HEATR5A: variants seen among roughly 807,000 people sequenced by gnomAD.
The protein encoded by HEATR5A is HEAT repeat-containing protein 5A.
A neutral mutation model predicts 218.8 loss-of-function variants in HEATR5A; 178 were observed. The ratio of observed to expected loss-of-function variants is 0.81; its 90% CI spans 0.72 to 0.92. The LOEUF (loss-of-function observed/expected upper bound fraction) is 0.92. Among genes scored for constraint, HEATR5A ranks in the 40% least tolerant of loss-of-function variants. The pLI is 0.00. For synonymous variants in HEATR5A, 864 were observed against 871.6 expected (o/e 0.99, Z 0.15); for missense variants, 2,420 against 2,418.9 (o/e 1.00, Z -0.01).
intron 1 of HEATR5A, among the ~76,000 whole-genome samples, chr14:31,412,190 A>C (rs1187989540): frequency 1.3e-5 from 2 of 152,142 alleles, no homozygotes; most frequent in East Asian, 3.9e-4. Context: ...AGGATATATA[A>C]TTTCCACTAT....
At chr14:31,381,870 A>G (rs139550803) in intron 10 of HEATR5A, among the ~76,000 whole-genome samples, 202 of 152,350 alleles carry the variant, frequency 1.3e-3, no homozygotes, top group African/African-American at 4.5e-3. Context: ...TACACAGTAC[A>G]AGGCCAGAGA....
rs56060018 is a variant in HEATR5A, at chr14:31,293,294, CA to C, written c.*10del. The C allele has an allele frequency of 2.3e-3, 2,988 of 1,286,264 alleles. No homozygotes were observed. Among genetic ancestry groups the C allele is most frequent in the South Asian group, 4.0e-3 (258 of 64,054 alleles). 79.7% of individuals were successfully genotyped at this position (1,286,264 alleles called of 1,614,324 possible). A position where few individuals can be genotyped will look rare whatever the true frequency, so the allele number is the denominator to read the frequency against. ...TATTATATTAAGGTGCTTACTATTC[CA>C]AAAAAAAAATCAGAGGAAACTGGTC... On this transcript the variant is annotated 3_prime_UTR_variant, in exon 36 of 36. Transcript: ENST00000543095.
chr14:31,378,222 C>T (rs2029867630), intron 11 of HEATR5A, among the ~76,000 whole-genome samples: 1 of 152,198 alleles, frequency 6.6e-6, no homozygotes, highest in Non-Finnish European at 1.5e-5. Context: ...CCACATACTT[C>T]CTGTTGCAAT....
At chr14:31,320,446 A>G in intron 25 of HEATR5A, 1 of 1,349,710 alleles carries the variant, frequency 7.4e-7, no homozygotes, top group Non-Finnish European at 1.1e-6. Context: ...CGGCTGTGTC[A>G]GTGTCCCGGG....
chr14:31,336,416 T>C (rs1289410020), intron 22 of HEATR5A, among the ~76,000 whole-genome samples: 3 of 151,782 alleles, frequency 2.0e-5, no homozygotes, highest in African/African-American at 7.2e-5. Context: ...TTTGAACTCC[T>C]GACCTAAAAC....
intron 31 of HEATR5A, 76 bp downstream of exon 31, chr14:31,306,656 A>C: frequency 7.2e-7 from 1 of 1,385,672 alleles, no homozygotes; most frequent in Non-Finnish European, 9.7e-7. Flanking sequence ...TATCAAAACT[A>C]TATAGATACA....
intron 27 of HEATR5A, among the ~76,000 whole-genome samples, chr14:31,313,448 C>T (rs1027072597): frequency 4.6e-5 from 7 of 152,096 alleles, no homozygotes; most frequent in Non-Finnish European, 8.8e-5. Flanking sequence ...CATTTACAAT[C>T]ATAATATTAT....
rs561201061 is a variant in HEATR5A, at chr14:31,316,243, C to T, written c.4039-294G>A. 9.9e-5 allele frequency among the ~76,000 whole-genome samples: 15 copies of T among 152,106 alleles called. No homozygotes were observed. In the East Asian group the frequency reaches 2.5e-3, roughly 26 times the overall value. On this transcript the variant is annotated intron_variant, in intron 26 of 35. Coordinates refer to ENST00000543095, the MANE Select transcript of HEATR5A (RefSeq NM_015473.4). ...GCCACAGTGAGCTAGGATTGAGCCA[C>T]GTATCTAGACCTCTAGATTGGGTGG...
At chr14:31,355,743 T>C (rs1595131778) in intron 16 of HEATR5A, among the ~76,000 whole-genome samples, 1 of 152,162 alleles carries the variant, frequency 6.6e-6, no homozygotes, top group East Asian at 1.9e-4. Flanking sequence ...CAATACATGA[T>C]TGAGATCAAT....
Position 31,345,272 on chromosome 14 carries a change from CA to C in HEATR5A, c.2872del (p.Trp958GlyfsTer8). 1.9e-6 allele frequency: 3 copies of C among 1,605,884 alleles called. No individual in the cohort carries two copies. The highest frequency in any genetic ancestry group is 2.6e-6 in the Non-Finnish European group (3 of 1,175,736). On this transcript the variant is annotated frameshift_variant, in exon 20 of 36. Coordinates refer to ENST00000543095, the MANE Select transcript of HEATR5A (RefSeq NM_015473.4). LOFTEE classifies it high-confidence loss of function. Reference sequence around the variant, plus strand: ...GATCAATGATAGAGAATGTAATGCCCAGGTCTGTAATGACAAAGAAAAACAA... The same window carrying C: ...GATCAATGATAGAGAATGTAATGCCCGGTCTGTAATGACAAAGAAAAACAA... ...QDSTSPDVQT[W>X]ALHSLSLIID...
chr14:31,373,123 T>C (rs1902101275), intron 12 of HEATR5A, among the ~76,000 whole-genome samples: 1 of 152,068 alleles, frequency 6.6e-6, no homozygotes, highest in Non-Finnish European at 1.5e-5. Context: ...CAGTTCACCA[T>C]GTTGTCCAGG....
chr14:31,386,687 A>G (rs1161761547), intron 8 of HEATR5A, 112 bp from the exon 9 acceptor site: 5 of 851,542 alleles, frequency 5.9e-6, no homozygotes, highest in African/African-American at 1.7e-5. Context: ...CACTTGATCT[A>G]TATGAAATAC....
In HEATR5A at chr14:31,400,300, C is replaced by CA. The variant is rs2030823430; in HGVS notation, c.338dup (p.Ala114CysfsTer15). On this transcript the variant is annotated frameshift_variant and splice_region_variant. Transcript: ENST00000543095. LOFTEE classifies it high-confidence loss of function. ...CTGTTCTGTTTTAATGTTTCACTTA[C>CA]AGCTTAGTGGGAAGATAACTTGGAG... The CA allele has an allele frequency of 6.6e-7, 1 of 1,524,054 alleles. No individual in the cohort carries two copies. Among genetic ancestry groups the CA allele is most frequent in the Non-Finnish European group, 8.8e-7 (1 of 1,136,868 alleles). The allele number at this position is 1,524,054 out of a possible 1,614,324, so 94.4% of individuals were successfully genotyped here.
intron 25 of HEATR5A, chr14:31,320,668 A>C: frequency 9.0e-6 from 5 of 557,592 alleles, no homozygotes; most frequent in Non-Finnish European, 9.9e-6. Context: ...CCTTGGTCTC[A>C]GCACTCAGCT....
chr14:31,326,291 T>A lies in HEATR5A; in HGVS notation c.3419A>T (p.Asp1140Val). The A allele has an allele frequency of 6.2e-7, 1 of 1,613,450 alleles. No individual in the cohort carries two copies. The highest frequency in any genetic ancestry group is 8.5e-7 in the Non-Finnish European group (1 of 1,179,546). Residue 1140 changes from aspartate to valine, a missense_variant, in exon 23 of 36, where the codon GAC becomes GTC. Physicochemically the swap from Asp to Val is radical, Grantham distance 152 (BLOSUM62 -3). Transcript: ENST00000543095. ...GCATAATCTCTCATCTGTCTCCTTG[T>A]CTAGTAAGATCAACAATGCCCCCTC... ...GLEGALLILL[D>V]KETDERLCHD...
intron 16 of HEATR5A, among the ~76,000 whole-genome samples, chr14:31,354,564 A>C (rs764324994): frequency 2.0e-5 from 3 of 152,236 alleles, no homozygotes; most frequent in Non-Finnish European, 4.4e-5. Context: ...TATTTTTAGT[A>C]ATACTGAATT....
At chr14:31,330,778 G>GA (rs1900439168) in intron 22 of HEATR5A, among the ~76,000 whole-genome samples, 2 of 151,372 alleles carry the variant, frequency 1.3e-5, no homozygotes, top group South Asian at 4.2e-4. Flanking sequence ...GCGACAGAGT[G>GA]AGACTCTGTC....
At chr14:31,312,901 C>CA (rs1012310079) in intron 28 of HEATR5A, 67 bp downstream of exon 28, 1,344 of 1,289,340 alleles carry the variant, frequency 1.0e-3, no homozygotes, top group Admixed American at 1.7e-3. Context: ...CTGTCAAAAA[C>CA]AAAAAAAAAG....
chr14:31,373,408 A>T (rs1365586929), intron 12 of HEATR5A, among the ~76,000 whole-genome samples: 1 of 151,176 alleles, frequency 6.6e-6, no homozygotes, highest in Non-Finnish European at 1.5e-5. Flanking sequence ...AACTCACTAT[A>T]ACCTCTGCCT....
Sources: allele counts gnomAD v4.1 joint callset (sites outside exome capture counted in the v4.1 genomes callset), GRCh38; gene constraint gnomAD v4.1.1; transcripts MANE v1.5; gene names NCBI Gene and HGNC (gene_info 2026-07-23, HGNC 2026-07-21).